Variants in C4BPA observed in about 807,000 individuals in gnomAD.
The protein encoded by C4BPA is complement component 4 binding protein alpha, also known as C4b-binding protein alpha chain.
Under a neutral mutation model 63.7 loss-of-function variants are expected in C4BPA, and 31 were observed. The observed-to-expected ratio is 0.49, with a 90% CI of 0.37 to 0.66. The LOEUF (loss-of-function observed/expected upper bound fraction) is 0.66. C4BPA is among the 30% of genes least tolerant of loss of function. C4BPA has a pLI of 0.00. For synonymous variants in C4BPA, 259 were observed against 254.7 expected (o/e 1.02, Z -0.16); for missense variants, 572 against 723.3 (o/e 0.79, Z 2.40).
At chr1:207,118,477 G>A (rs112338263) in intron 4 of C4BPA, among the ~76,000 whole-genome samples, 14,234 of 152,152 alleles carry the variant, frequency 0.094, 954 homozygotes, top group Non-Finnish European at 0.15. Context: ...TTCACATGGC[G>A]GCAGGGAGGA....
chr1:207,126,923 A>G (rs1347798204), intron 7 of C4BPA, 28 bp downstream of exon 7: 6 of 1,578,792 alleles, frequency 3.8e-6, no homozygotes, highest in South Asian at 1.1e-5. Context: ...CAGAATTTCA[A>G]TGTTTGGCAT....
At chr1:207,113,311 CT>C (rs2102331090) in intron 2 of C4BPA, 144 bp downstream of exon 2, 1 of 872,044 alleles carries the variant, frequency 1.1e-6, no homozygotes, top group South Asian at 1.7e-5. Context: ...CAGGCTAGAA[CT>C]TAGGGAAATT....
rs1176947845 is a variant in C4BPA at position 207,118,356 on chromosome 1, G to C, written c.428+2841G>C. Among the ~76,000 whole-genome samples the C allele has an allele frequency of 2.0e-5, 3 of 152,104 alleles. 1 individual carries two copies. Among genetic ancestry groups the C allele is most frequent in the East Asian group, 1.9e-4 (1 of 5,200 alleles). On this transcript the variant is annotated intron_variant, in intron 4 of 11. Transcript: ENST00000367070. ...CTGCTATGAAGAAATACCCAAGACT[G>C]GGTAATTTATAAAGAAAAGAGGTTT...
At chr1:207,120,395 T>G (rs11120232) in intron 4 of C4BPA, among the ~76,000 whole-genome samples, 83,667 of 152,102 alleles carry the variant, frequency 0.55, 25,458 homozygotes, top group East Asian at 0.73. Flanking sequence ...GTATTTGTAT[T>G]TGCTAAATCC....
chr1:207,108,840 A>G (rs1225979424), intron 1 of C4BPA, among the ~76,000 whole-genome samples: 1 of 152,082 alleles, frequency 6.6e-6, no homozygotes, highest in Non-Finnish European at 1.5e-5. Flanking sequence ...AACCTGCCTC[A>G]GCCTCCTGAG....
Position 207,114,181 on chromosome 1 carries a change from C to T in C4BPA, c.224C>T (p.Thr75Ile). ...TLTETRFKTG[T>I]TLKYTCLPGY... ...ACTGAGACACGCTTCAAAACTGGAACTACTCTGAAATACACCTGCCTCCCT... is the reference window on the plus strand; with the variant it reads ...ACTGAGACACGCTTCAAAACTGGAATTACTCTGAAATACACCTGCCTCCCT... Residue 75 changes from threonine to isoleucine, a missense_variant, in exon 3 of 12, where the codon ACT becomes ATT. Around this residue, in one of 2 missense-constraint regions of C4BPA, gnomAD observed 107 missense variants for 93.9 expected, o/e 1.14. Coordinates refer to ENST00000367070, the MANE Select transcript of C4BPA (RefSeq NM_000715.4). 1.2e-6 allele frequency: 2 copies of T among 1,613,776 alleles called. No individual in the cohort carries two copies. The highest frequency in any genetic ancestry group is 1.7e-6 in the Non-Finnish European group (2 of 1,179,758).
chr1:207,139,091 C>T (rs1057415639), intron 9 of C4BPA, among the ~76,000 whole-genome samples: 4 of 152,112 alleles, frequency 2.6e-5, no homozygotes, highest in African/African-American at 9.7e-5. Flanking sequence ...TAGCCCAAAA[C>T]CTGCAAATGT....
At chr1:207,105,317 G>A (rs1332250770) in intron 1 of C4BPA, among the ~76,000 whole-genome samples, 1 of 152,140 alleles carries the variant, frequency 6.6e-6, no homozygotes, top group Admixed American at 6.6e-5. Flanking sequence ...CAGCACTTTG[G>A]GAGGCCGAGG....
rs75489028 is a variant in C4BPA, at chr1:207,143,494, A to G, written c.1445-324A>G. Among the ~76,000 whole-genome samples, 631 of 151,978 alleles carry G rather than the reference A, an allele frequency of 4.2e-3. 3 individuals are homozygous for G. The highest frequency in any genetic ancestry group is 6.7e-3 in the Non-Finnish European group (452 of 67,842). On this transcript the variant is annotated intron_variant, in intron 10 of 11. Transcript: ENST00000367070. Reference sequence around the variant, plus strand: ...GAACTTAAAGTATAATAAAAAAAGAAATATGTTGTCATATTATATGAAAAT... The same window carrying G: ...GAACTTAAAGTATAATAAAAAAAGAGATATGTTGTCATATTATATGAAAAT...
At chr1:207,133,328 G>A (rs936181410) in intron 8 of C4BPA, among the ~76,000 whole-genome samples, 5 of 152,174 alleles carry the variant, frequency 3.3e-5, no homozygotes, top group South Asian at 2.1e-4. Flanking sequence ...AATACTGGTC[G>A]AGTTACTGAC....
At chr1:207,109,498 G>A (rs746240067) in intron 1 of C4BPA, among the ~76,000 whole-genome samples, 17 of 152,192 alleles carry the variant, frequency 1.1e-4, no homozygotes, top group Non-Finnish European at 2.4e-4. Flanking sequence ...GAGGCTTAGA[G>A]GAACTGAGTG....
chr1:207,111,433 C>T lies in C4BPA; in HGVS notation c.-25-1568C>T, dbSNP rs1031365602. Reference sequence around the variant, plus strand: ...GATGTATAGAGCTCATGGGACAGGACGTGTGTGACATGGGGTTCCCACAGC... The same window carrying T: ...GATGTATAGAGCTCATGGGACAGGATGTGTGTGACATGGGGTTCCCACAGC... On this transcript the variant is annotated intron_variant, in intron 1 of 11. Coordinates refer to ENST00000367070, the MANE Select transcript of C4BPA (RefSeq NM_000715.4). Among the ~76,000 whole-genome samples the T allele has an allele frequency of 2.6e-5, 4 of 152,080 alleles. No homozygotes were observed. In the South Asian group the frequency reaches 6.2e-4, roughly 24 times the overall value.
Position 207,134,441 on chromosome 1 carries a change from A to G in C4BPA, c.1122A>G (p.Glu374=). The G allele has an allele frequency of 6.2e-7, 1 of 1,613,902 alleles. No homozygotes were observed. Among genetic ancestry groups the G allele is most frequent in the Non-Finnish European group, 8.5e-7 (1 of 1,179,870 alleles). Residue 374 remains glutamate, a synonymous_variant, in exon 9 of 12, where the codon GAA becomes GAG. Coordinates refer to ENST00000367070, the MANE Select transcript of C4BPA (RefSeq NM_000715.4). ...CTGAACCAAAGCTAAATAATGGTGA[A>G]ATCACTCAACACAGGAAAAGTCGTC... ...CCPEPKLNNG[E]ITQHRKSRPA...
At chr1:207,136,040 A>C (rs141263025) in intron 9 of C4BPA, among the ~76,000 whole-genome samples, 1 of 152,218 alleles carries the variant, frequency 6.6e-6, no homozygotes, top group East Asian at 1.9e-4. Flanking sequence ...GTTCTATCAG[A>C]ATACACTTCT....
intron 3 of C4BPA, among the ~76,000 whole-genome samples, chr1:207,114,520 G>T (rs1684741958): frequency 1.8e-5 from 2 of 108,642 alleles, no homozygotes; most frequent in East Asian, 2.9e-4. Flanking sequence ...TTGAGACAGA[G>T]TCTAGCTCTG....
rs61350433 is a variant in C4BPA, at chr1:207,105,574, GA to G, written c.-26+1154del. ...CTCCACCTCAAAAAAAAAAAAAAAA[GA>G]AAAAAAAAAGAGATTCTAGGAAGGG... On this transcript the variant is annotated intron_variant, in intron 1 of 11. Transcript: ENST00000367070. Among the ~76,000 whole-genome samples, 923 of 130,166 alleles carry G rather than the reference GA, an allele frequency of 7.1e-3. 36 individuals carry two copies. The highest frequency in any genetic ancestry group is 0.056 in the Admixed American group (732 of 13,098). The allele number at this position is 130,166 out of a possible 152,430, so 85.4% of individuals were successfully genotyped here. A position where few individuals can be genotyped will look rare whatever the true frequency, so the allele number is the denominator to read the frequency against.
intron 9 of C4BPA, among the ~76,000 whole-genome samples, chr1:207,138,581 A>G (rs1685345554): frequency 6.6e-6 from 1 of 152,158 alleles, no homozygotes; most frequent in Non-Finnish European, 1.5e-5. Context: ...AACCACCTTC[A>G]AATACACTAG....
chr1:207,126,243 CAT>C (rs1465859944), intron 6 of C4BPA, among the ~76,000 whole-genome samples: 3 of 147,814 alleles, frequency 2.0e-5, no homozygotes, highest in East Asian at 2.0e-4. Flanking sequence ...TATACACACA[CAT>C]ACATATGTGT....
intron 10 of C4BPA, among the ~76,000 whole-genome samples, chr1:207,143,426 C>T (rs934292262): frequency 4.6e-5 from 7 of 152,140 alleles, no homozygotes; most frequent in Non-Finnish European, 7.4e-5. Flanking sequence ...ATGGCACATG[C>T]ATACCTATGT....
Sources: gnomAD v4.1 joint callset for allele counts (sites outside exome capture counted in the v4.1 genomes callset) on GRCh38, gnomAD v4.1.1 for gene constraint, gnomAD v4.1.1 regional missense constraint, MANE v1.5 for transcripts, NCBI Gene and HGNC (gene_info 2026-07-23, HGNC 2026-07-21) for gene names.